UGT1A10: variants seen among roughly 807,000 people sequenced by gnomAD.
The protein encoded by UGT1A10 is UDP-glucuronosyltransferase 1A10.
Under a neutral mutation model 45.8 loss-of-function variants are expected in UGT1A10, and 49 were observed. That is an observed-to-expected ratio of 1.07 (90% CI 0.85 to 1.36). The LOEUF (loss-of-function observed/expected upper bound fraction) is 1.36. Ranked by LOEUF, UGT1A10 falls within the 40% of genes most tolerant of loss-of-function variation. The probability of loss-of-function intolerance (pLI) is 0.00; values close to 1 mark genes in which losing one functional copy is unlikely to be tolerated. For synonymous variants in UGT1A10, 284 were observed against 249.7 expected, an observed-to-expected ratio of 1.14 and a Z score of -1.29; for missense variants, 745 against 668.6, an observed-to-expected ratio of 1.11 and a Z score of -1.26.
chr2:233,760,380 G>A, intron 1 of UGT1A10: 1 of 1,614,192 alleles, frequency 6.2e-7, no homozygotes, highest in Non-Finnish European at 8.5e-7. Flanking sequence ...GGAAGATACT[G>A]TTGATCCCAG....
intron 1 of UGT1A10, among the ~76,000 whole-genome samples, chr2:233,639,871 G>A (rs892890705): frequency 6.6e-6 from 1 of 152,210 alleles, no homozygotes; most frequent in African/African-American, 2.4e-5. Context: ...GATTAGTGAT[G>A]TGTAAATAAT....
At chr2:233,671,722 T>TA (rs1396567782) in intron 1 of UGT1A10, 150 of 1,092,392 alleles carry the variant, frequency 1.4e-4, no homozygotes, top group Middle Eastern at 6.5e-4. Context: ...TAAGCTACTG[T>TA]TGTCTGGAAA....
intron 1 of UGT1A10, among the ~76,000 whole-genome samples, chr2:233,665,022 A>G (rs1049106333): frequency 4.6e-5 from 7 of 152,198 alleles, no homozygotes; most frequent in Admixed American, 2.0e-4. Flanking sequence ...TGCTCTTAGT[A>G]GTTTTGTGTG....
chr2:233,699,343 G>A (rs2075499998), intron 1 of UGT1A10, among the ~76,000 whole-genome samples: 2 of 152,144 alleles, frequency 1.3e-5, no homozygotes. Flanking sequence ...CCACCCTAGG[G>A]CTAACCTCTT....
chr2:233,690,457 A>T (rs1325697308), intron 1 of UGT1A10: 1 of 1,288,132 alleles, frequency 7.8e-7, no homozygotes, highest in East Asian at 5.6e-5. Flanking sequence ...TCAAAATGCC[A>T]GCTATCCTCC....
chr2:233,727,761 T>C (rs1235898236), intron 1 of UGT1A10, among the ~76,000 whole-genome samples: 2 of 152,210 alleles, frequency 1.3e-5, no homozygotes, highest in South Asian at 4.1e-4. Context: ...GCCCTTGAGC[T>C]GGGTGTCCCC....
rs750647558 is a variant in UGT1A10 at position 233,719,225 on chromosome 2, G to A, written c.856-47809G>A. On this transcript the variant is annotated intron_variant, in intron 1 of 4. Coordinates refer to ENST00000344644, the MANE Select transcript of UGT1A10 (RefSeq NM_019075.4). ...GTTGTGTGGAGCTACTGCATAATGA[G>A]GCCCTGATCAGGCACCTGAATGCTA... The A allele has an allele frequency of 4.3e-6, 7 of 1,614,052 alleles. No homozygotes were observed. In the South Asian group the frequency reaches 5.5e-5, roughly 13 times the overall value.
intron 1 of UGT1A10, chr2:233,729,486 G>A: frequency 6.2e-7 from 1 of 1,614,202 alleles, no homozygotes; most frequent in South Asian, 1.1e-5. Flanking sequence ...TGAACAATAT[G>A]TCTTTGGTCT....
At chr2:233,644,123 A>G (rs1227165786) in intron 1 of UGT1A10, among the ~76,000 whole-genome samples, 1 of 151,944 alleles carries the variant, frequency 6.6e-6, no homozygotes, top group Non-Finnish European at 1.5e-5. Context: ...CAGCCCTAGA[A>G]CTCACCTAAG....
In UGT1A10 at chr2:233,636,838, T is replaced by C. The variant is rs1441464711; in HGVS notation, c.316T>C (p.Phe106Leu). ...ATGGAAAGCACAGGCACAAAGTATA[T>C]TTTCTCTATTAATGAGTTCATCCAG... ...AQWKAQAQSI[F>L]SLLMSSSSGF... Residue 106 changes from phenylalanine to leucine, a missense_variant, in exon 1 of 5, where the codon TTT becomes CTT. Phe to Leu is a conservative substitution (Grantham distance 22). Coordinates refer to ENST00000344644, the MANE Select transcript of UGT1A10 (RefSeq NM_019075.4). 5.0e-6 allele frequency: 8 copies of C among 1,614,086 alleles called. No individual in the cohort carries two copies. The highest frequency in any genetic ancestry group is 6.8e-6 in the Non-Finnish European group (8 of 1,180,046).
At chr2:233,743,378 C>G (rs1480279341) in intron 1 of UGT1A10, 1 of 1,169,844 alleles carries the variant, frequency 8.5e-7, no homozygotes, top group Non-Finnish European at 1.2e-6. Flanking sequence ...CCATCACTAC[C>G]GTAGGACATG....
Position 233,755,111 on chromosome 2 carries a change from G to A in UGT1A10, c.856-11923G>A, listed in dbSNP as rs41264157. 3,233 of 1,331,410 alleles carry A rather than the reference G, an allele frequency of 2.4e-3. 9 individuals carry two copies. Among genetic ancestry groups the A allele is most frequent in the Non-Finnish European group, 3.0e-3 (2,941 of 989,376 alleles). 82.5% of individuals were successfully genotyped at this position (1,331,410 alleles called of 1,614,324 possible). A position where few individuals can be genotyped will look rare whatever the true frequency, so the allele number is the denominator to read the frequency against. On this transcript the variant is annotated intron_variant, in intron 1 of 4. Coordinates refer to ENST00000344644, the MANE Select transcript of UGT1A10 (RefSeq NM_019075.4). ...GTTTCTACGCGTCCGACAACACCTC[G>A]TAGGCCTCAGCCACCTGCTTGAATC...
chr2:233,744,868 A>T (rs938828765), intron 1 of UGT1A10, among the ~76,000 whole-genome samples: 1 of 151,858 alleles, frequency 6.6e-6, no homozygotes, highest in African/African-American at 2.4e-5. Flanking sequence ...TTCTGAAGGG[A>T]TTAGTTTAGG....
At chr2:233,723,476 C>T (rs1238335619) in intron 1 of UGT1A10, among the ~76,000 whole-genome samples, 1 of 136,266 alleles carries the variant, frequency 7.3e-6, no homozygotes, top group African/African-American at 2.9e-5. Flanking sequence ...TCCCAAAGTG[C>T]TAGGATTCCA....
rs1204663917 is a variant in UGT1A10, at chr2:233,637,071, C to T, written c.549C>T (p.Cys183=). 3.7e-6 allele frequency: 6 copies of T among 1,613,860 alleles called. No individual in the cohort carries two copies. The highest frequency in any genetic ancestry group is 1.3e-5 in the African/African-American group (1 of 74,922). The change falls in exon 1 of 5, where the codon TGC becomes TGT. Residue 183 remains cysteine, a synonymous_variant. Transcript: ENST00000344644. The stretch of plus-strand genomic sequence containing the variant: ...ACCATCTTGAAGAAGGTGCACAGTG[C>T]CCTGCTCCTCTTTCCTATGTCCCCA... ...FCHHLEEGAQ[C]PAPLSYVPND... is the part of the protein sequence containing the mutation.
At chr2:233,733,652 A>C (rs2078424412) in intron 1 of UGT1A10, among the ~76,000 whole-genome samples, 1 of 152,240 alleles carries the variant, frequency 6.6e-6, no homozygotes, top group Non-Finnish European at 1.5e-5. Flanking sequence ...CCCAAGGATG[A>C]AGCCGACTTG....
At chr2:233,771,579 A>G (rs974224388) in intron 4 of UGT1A10, 2 of 152,312 alleles carry the variant, frequency 1.3e-5, no homozygotes, top group Non-Finnish European at 2.9e-5. Flanking sequence ...GGTTGTTTAC[A>G]ACTTCAAATA....
Position 233,637,271 on chromosome 2 carries a change from T to G in UGT1A10, c.749T>G (p.Ile250Ser), listed in dbSNP as rs2073322460. The change falls in exon 1 of 5, where the codon ATT becomes AGT. Residue 250 changes from isoleucine to serine, a missense_variant. Transcript: ENST00000344644. ...TATGATCTCTACAGTCACACATCAATTTGGTTGTTGCGAACGGACTTTGTT... is the reference window on the plus strand; with the variant it reads ...TATGATCTCTACAGTCACACATCAAGTTGGTTGTTGCGAACGGACTTTGTT... ...TAYDLYSHTSIWLLRTDFVLD... is the reference protein window; with the variant it reads ...TAYDLYSHTSSWLLRTDFVLD... 5 of 1,613,944 alleles carry G rather than the reference T, an allele frequency of 3.1e-6. No individual in the cohort carries two copies. In the South Asian group the frequency reaches 4.4e-5, roughly 14 times the overall value.
intron 1 of UGT1A10, chr2:233,721,796 C>T (rs1393362336): frequency 5.8e-6 from 3 of 513,526 alleles, no homozygotes; most frequent in African/African-American, 3.9e-5. Context: ...TTTTAAAGCA[C>T]ATGCAGCAAA....
Sources: gnomAD v4.1 joint callset for allele counts (sites outside exome capture counted in the v4.1 genomes callset) on GRCh38, gnomAD v4.1.1 for gene constraint, MANE v1.5 for transcripts, NCBI Gene and HGNC (gene_info 2026-07-23, HGNC 2026-07-21) for gene names.